Variants in WASF3 observed in about 807,000 individuals in gnomAD.
WASF3 encodes the protein WASP family member 3.
A neutral mutation model predicts 46.6 loss-of-function variants in WASF3; 11 were observed. That is an observed-to-expected ratio of 0.24 (90% confidence interval 0.15 to 0.39). The LOEUF (loss-of-function observed/expected upper bound fraction) is 0.39, where lower values mean the gene tolerates loss of function less well. Among genes scored for constraint, WASF3 ranks in the 10% least tolerant of loss-of-function variants. The pLI is 1.00. For synonymous variants in WASF3, 242 were observed against 259.7 expected (o/e 0.93, Z 0.65); for missense variants, 576 against 669.8 (o/e 0.86, Z 1.55).
At chr13:26,554,271 A>AG (rs1388849470), upstream of WASF3, among the ~76,000 whole-genome samples, 1 of 151,822 alleles carries the variant, frequency 6.6e-6, no homozygotes, top group Non-Finnish European at 1.5e-5. Context: ...CTGGGACTAC[A>AG]GGCATATGCC....
chr13:26,666,291 G>T (rs958569130), intron 4 of WASF3, among the ~76,000 whole-genome samples: 8 of 152,162 alleles, frequency 5.3e-5, no homozygotes, highest in African/African-American at 1.9e-4. Context: ...ACTTTTTGTT[G>T]GCTGTTGCCG....
intron 1 of WASF3, among the ~76,000 whole-genome samples, chr13:26,568,059 G>A (rs1490835489): frequency 2.0e-5 from 3 of 152,052 alleles, no homozygotes; most frequent in African/African-American, 7.2e-5. Flanking sequence ...GTGAATAGGG[G>A]GTTGGGTAGG....
At chr13:26,597,444 TTTGTTGTTGTTG>T (rs376294093) in intron 1 of WASF3, among the ~76,000 whole-genome samples, 6 of 152,012 alleles carry the variant, frequency 3.9e-5, no homozygotes, top group Non-Finnish European at 8.8e-5. Context: ...CCCTTGATTT[TTTGTTGTTGTTG>T]TTGTTGTTGT....
intron 4 of WASF3, 145 bp from the exon 5 acceptor site, chr13:26,667,372 C>T (rs938252329): frequency 1.5e-5 from 11 of 710,684 alleles, no homozygotes; most frequent in Non-Finnish European, 2.4e-5. Context: ...TGCACATGCT[C>T]TTAAACATGG....
intron 1 of WASF3, among the ~76,000 whole-genome samples, chr13:26,586,310 T>C (rs1880125392): frequency 6.6e-6 from 1 of 152,176 alleles, no homozygotes; most frequent in African/African-American, 2.4e-5. Context: ...GAAACTTCTT[T>C]TGGTATAAGG....
At chr13:26,540,191 C>A in the WASF3 span, among the ~76,000 whole-genome samples, 1 of 152,292 alleles carries the variant, frequency 6.6e-6, no homozygotes, top group African/African-American at 2.4e-5. Context: ...GATAGAATGC[C>A]AGTTCCTGCT....
At chr13:26,546,660 C>T in the WASF3 span, among the ~76,000 whole-genome samples, 2 of 152,090 alleles carry the variant, frequency 1.3e-5, no homozygotes, top group South Asian at 2.1e-4. Flanking sequence ...TGTGGTGAGC[C>T]GAGATCGCGG....
chr13:26,576,255 A>G (rs1005926990), intron 1 of WASF3, among the ~76,000 whole-genome samples: 1 of 151,888 alleles, frequency 6.6e-6, no homozygotes, highest in Non-Finnish European at 1.5e-5. Context: ...TGGACATCTT[A>G]ATTCCTTCTC....
At chr13:26,553,765 C>T (rs543291773), upstream of WASF3, among the ~76,000 whole-genome samples, 10 of 150,522 alleles carry the variant, frequency 6.6e-5, no homozygotes, top group African/African-American at 9.8e-5. Context: ...TGCAGTGAGC[C>T]GAGATCACGC....
intron 3 of WASF3, among the ~76,000 whole-genome samples, chr13:26,643,067 A>G (rs1478785519): frequency 6.6e-6 from 1 of 152,240 alleles, no homozygotes; most frequent in Non-Finnish European, 1.5e-5. Flanking sequence ...TTGAATATTA[A>G]TATTAAATAT....
At chr13:26,620,156 A>AT (rs952058687) in intron 2 of WASF3, among the ~76,000 whole-genome samples, 2 of 151,934 alleles carry the variant, frequency 1.3e-5, no homozygotes, top group African/African-American at 2.4e-5. Flanking sequence ...TTATCTTAAA[A>AT]TTTTTTTTAT....
chr13:26,552,945 T>C (rs1879001655), upstream of WASF3, among the ~76,000 whole-genome samples: 2 of 152,226 alleles, frequency 1.3e-5, no homozygotes, highest in African/African-American at 4.8e-5. Context: ...ACTATCAGAT[T>C]CAAATTAAGA....
intron 2 of WASF3, among the ~76,000 whole-genome samples, chr13:26,640,212 C>T (rs1881954299): frequency 6.6e-6 from 1 of 151,986 alleles, no homozygotes; most frequent in Non-Finnish European, 1.5e-5. Flanking sequence ...TACCTGAGAT[C>T]ACATTTCAAC....
At chr13:26,639,605 G>A (rs982730404) in intron 2 of WASF3, 1 of 152,080 alleles carries the variant, frequency 6.6e-6, no homozygotes, top group African/African-American at 2.4e-5. Context: ...TGGTTAATGG[G>A]GAAATGAATG....
At chr13:26,631,775 T>G (rs1412340584) in intron 2 of WASF3, among the ~76,000 whole-genome samples, 2 of 152,354 alleles carry the variant, frequency 1.3e-5, no homozygotes, top group African/African-American at 4.8e-5. Context: ...TATGGCCATT[T>G]TCACAATATT....
chr13:26,541,821 A>G, the WASF3 span, among the ~76,000 whole-genome samples: 5 of 152,074 alleles, frequency 3.3e-5, no homozygotes, highest in Non-Finnish European at 5.9e-5. Flanking sequence ...CTCAAATGCT[A>G]CATCCTTCCC....
intron 1 of WASF3, among the ~76,000 whole-genome samples, chr13:26,595,803 C>T (rs1039866554): frequency 4.6e-5 from 7 of 152,068 alleles, no homozygotes; most frequent in Non-Finnish European, 7.4e-5. Context: ...GAGGTCTGTC[C>T]GGGTTGTTTT....
At chr13:26,560,471 T>A (rs1879262295) in intron 1 of WASF3, among the ~76,000 whole-genome samples, 2 of 152,182 alleles carry the variant, frequency 1.3e-5, no homozygotes, top group Admixed American at 1.3e-4. Context: ...TTTTTTCCAT[T>A]TAATACTGTA....
intron 3 of WASF3, among the ~76,000 whole-genome samples, chr13:26,652,733 G>T (rs1160688774): frequency 6.6e-6 from 1 of 152,022 alleles, no homozygotes; most frequent in Non-Finnish European, 1.5e-5. Context: ...AATAATCCTT[G>T]GGTCAAAGAA....
Sources: gnomAD v4.1 joint callset for allele counts (sites outside exome capture counted in the v4.1 genomes callset) on GRCh38, gnomAD v4.1.1 for gene constraint, MANE v1.5 for transcripts, NCBI Gene and HGNC (gene_info 2026-07-23, HGNC 2026-07-21) for gene names.